The following TRHDE variants were observed in gnomAD, a reference collection of about 807,000 sequenced individuals.
TRHDE encodes the protein thyrotropin releasing hormone degrading enzyme.
In TRHDE, 72 loss-of-function variants were observed where a neutral mutation model predicts 125.7. That is an observed-to-expected ratio of 0.57 (90% CI 0.47 to 0.70). TRHDE has a LOEUF of 0.70. Ranked by LOEUF, TRHDE falls within the 30% of genes least tolerant of loss-of-function variation. The probability of loss-of-function intolerance (pLI) is 0.00; values close to 1 mark genes in which losing one functional copy is unlikely to be tolerated. For synonymous variants in TRHDE, 509 were observed against 509.1 expected, an observed-to-expected ratio of 1.00 and a Z score of 0.00; for missense variants, 1,110 against 1,327.1, an observed-to-expected ratio of 0.84 and a Z score of 2.54.
chr12:72,098,350 A>G (rs531759868), intron 1 of TRHDE, among the ~76,000 whole-genome samples: 2 of 152,304 alleles, frequency 1.3e-5, no homozygotes, highest in South Asian at 2.1e-4. Flanking sequence ...AAACTCTAGT[A>G]TAATATCACA....
intron 5 of TRHDE, among the ~76,000 whole-genome samples, chr12:72,473,584 G>A (rs750286226): frequency 3.3e-5 from 5 of 151,950 alleles, no homozygotes; most frequent in Non-Finnish European, 5.9e-5. Flanking sequence ...TAAAAGATAC[G>A]ATGTATTATT....
In TRHDE at chr12:72,237,601, G is replaced by A. The variant is rs533119955; in HGVS notation, n.279+131849G>A. On this transcript the variant is annotated intron_variant and non_coding_transcript_variant, in intron 2 of 4. Transcript: ENST00000548156. ...TGCATTGGTGAGGGAGTTCTCACGA[G>A]ATCTGATGGTTTAAAAATGACAGTT... 4.6e-5 allele frequency among the ~76,000 whole-genome samples: 7 copies of A among 152,256 alleles called. No homozygotes were observed. The South Asian group carries it at 1.4e-3, about 32-fold the overall frequency.
chr12:72,119,101 C>T (rs917385318), intron 2 of TRHDE, among the ~76,000 whole-genome samples: 1 of 151,798 alleles, frequency 6.6e-6, no homozygotes, highest in African/African-American at 2.4e-5. Context: ...TTTGCTCTTG[C>T]TTTACTAGTT....
intron 6 of TRHDE, among the ~76,000 whole-genome samples, chr12:72,519,447 G>A (rs181737330): frequency 6.6e-6 from 1 of 152,188 alleles, no homozygotes; most frequent in African/African-American, 2.4e-5. Flanking sequence ...GGCTCCTGAG[G>A]CTTCTGCATT....
chr12:72,112,247 A>AAGCAATATATGCCACTTCATTGAATT (rs1406326666), intron 2 of TRHDE, among the ~76,000 whole-genome samples: 1 of 152,140 alleles, frequency 6.6e-6, no homozygotes, highest in Non-Finnish European at 1.5e-5. Context: ...CACTGACATA[A>AAGCAATATATGCCACTTCATTGAATT]AGCAATATAT....
chr12:72,187,446 GGGTGGTGGTGGT>G lies in TRHDE; in HGVS notation n.279+81707_279+81718del, dbSNP rs971743256. ...GTCTGACTGAGGCCCGAGGTGGGGG[GGGTGGTGGTGGT>G]GGTGGTGGTGGTTGTGGTCGTGGTG... On this transcript the variant is annotated intron_variant and non_coding_transcript_variant, in intron 2 of 4. Coordinates refer to the TRHDE transcript ENST00000548156. Among the ~76,000 whole-genome samples, 11 of 148,742 alleles carry G rather than the reference GGGTGGTGGTGGT, an allele frequency of 7.4e-5. No individual in the cohort carries two copies. The South Asian group carries it at 1.1e-3, about 15-fold the overall frequency.
At chr12:72,447,765 G>T (rs1294648341) in intron 3 of TRHDE, among the ~76,000 whole-genome samples, 1 of 152,006 alleles carries the variant, frequency 6.6e-6, no homozygotes, top group African/African-American at 2.4e-5. Context: ...TGCACTCCTA[G>T]AGCCTCAGAG....
At chr12:72,204,769 G>A (rs759308758) in intron 2 of TRHDE, among the ~76,000 whole-genome samples, 5 of 151,868 alleles carry the variant, frequency 3.3e-5, no homozygotes, top group Non-Finnish European at 7.4e-5. Flanking sequence ...TATATATATC[G>A]GAAACTATAT....
At chr12:72,424,076 G>T (rs1874082215) in intron 3 of TRHDE, among the ~76,000 whole-genome samples, 1 of 152,052 alleles carries the variant, frequency 6.6e-6, no homozygotes, top group Non-Finnish European at 1.5e-5. Context: ...AAAGAAACTG[G>T]GTAGCTCAAA....
intron 13 of TRHDE, 107 bp downstream of exon 13, chr12:72,619,145 T>A: frequency 1.2e-6 from 1 of 863,402 alleles, no homozygotes; most frequent in Non-Finnish European, 1.6e-6. Flanking sequence ...TTTGTTCTTC[T>A]AGTTTGTGTT....
chr12:72,215,897 T>G (rs1440667026), intron 2 of TRHDE, among the ~76,000 whole-genome samples: 1 of 152,168 alleles, frequency 6.6e-6, no homozygotes, highest in Non-Finnish European at 1.5e-5. Context: ...ATTTTACTTC[T>G]GAATATGCAC....
At chr12:72,602,357 G>A (rs940706731) in intron 12 of TRHDE, among the ~76,000 whole-genome samples, 5 of 152,236 alleles carry the variant, frequency 3.3e-5, no homozygotes, top group South Asian at 4.1e-4. Context: ...AATACAGAAG[G>A]ATTCTGAGAA....
intron 2 of TRHDE, among the ~76,000 whole-genome samples, chr12:72,328,033 T>A (rs1869418972): frequency 6.6e-6 from 1 of 152,142 alleles, no homozygotes; most frequent in Non-Finnish European, 1.5e-5. Flanking sequence ...TGACATGCAG[T>A]GTAAATGGCC....
intron 18 of TRHDE, among the ~76,000 whole-genome samples, chr12:72,661,214 G>A (rs1874904406): frequency 6.6e-6 from 1 of 152,092 alleles, no homozygotes. Flanking sequence ...CTATCTCTCT[G>A]TCAATAAACG....
At chr12:72,440,330 AC>A (rs1433429229) in intron 3 of TRHDE, among the ~76,000 whole-genome samples, 1 of 151,860 alleles carries the variant, frequency 6.6e-6, no homozygotes, top group Non-Finnish European at 1.5e-5. Context: ...TAAACATTTT[AC>A]ATAATTTAGA....
At chr12:72,234,258 A>G (rs61924334) in intron 2 of TRHDE, among the ~76,000 whole-genome samples, 41,871 of 152,000 alleles carry the variant, frequency 0.28, 6,201 homozygotes, top group African/African-American at 0.34. Flanking sequence ...AAAAGATGTT[A>G]TCTTCCCAGC....
At chr12:72,524,360 A>C (rs1470710621) in intron 6 of TRHDE, among the ~76,000 whole-genome samples, 1 of 152,158 alleles carries the variant, frequency 6.6e-6, no homozygotes, top group African/African-American at 2.4e-5. Flanking sequence ...TGTATGAGTA[A>C]ATTCAACAGT....
At chr12:72,099,322 A>G (rs1274569342) in intron 1 of TRHDE, among the ~76,000 whole-genome samples, 2 of 152,200 alleles carry the variant, frequency 1.3e-5, no homozygotes, top group Admixed American at 1.3e-4. Flanking sequence ...TTAGCCCTCC[A>G]TCATTTCTAT....
At chr12:72,308,070 A>T (rs1868378421) in intron 2 of TRHDE, among the ~76,000 whole-genome samples, 1 of 151,942 alleles carries the variant, frequency 6.6e-6, no homozygotes, top group Non-Finnish European at 1.5e-5. Context: ...CTGAAAGTGT[A>T]TTTTTTGCTT....
Sources: gnomAD v4.1 joint callset for allele counts (sites outside exome capture counted in the v4.1 genomes callset) on GRCh38, gnomAD v4.1.1 for gene constraint, MANE v1.5 for transcripts, NCBI Gene and HGNC (gene_info 2026-07-23, HGNC 2026-07-21) for gene names.